The following TRAPPC12 variants were observed in gnomAD, a reference collection of about 807,000 sequenced individuals.
TRAPPC12 encodes TPR repeat protein 15.
Under a neutral mutation model 69.2 loss-of-function variants are expected in TRAPPC12, and 61 were observed. That is an observed-to-expected ratio of 0.88 (90% CI 0.72 to 1.09). TRAPPC12 has a LOEUF of 1.09. TRAPPC12 is among the 50% of genes least tolerant of loss of function. The probability of loss-of-function intolerance (pLI) is 0.00; values close to 1 mark genes in which losing one functional copy is unlikely to be tolerated. For synonymous variants in TRAPPC12, 469 were observed against 438.9 expected (o/e 1.07, Z -0.86); for missense variants, 1,101 against 1,016.4 (o/e 1.08, Z -1.13).
At chr2:3,390,592 G>T (rs1660767019) in intron 2 of TRAPPC12, among the ~76,000 whole-genome samples, 1 of 152,206 alleles carries the variant, frequency 6.6e-6, no homozygotes, top group African/African-American at 2.4e-5. Flanking sequence ...GGGGAGGAAG[G>T]GATGAACAGG....
chr2:3,466,557 G>C (rs1040801230), intron 9 of TRAPPC12, among the ~76,000 whole-genome samples: 1 of 152,232 alleles, frequency 6.6e-6, no homozygotes, highest in Non-Finnish European at 1.5e-5. Flanking sequence ...CTCAGGGCCT[G>C]CACTCTCAGC....
At chr2:3,427,839 G>A (rs1024129320) in intron 5 of TRAPPC12, among the ~76,000 whole-genome samples, 5 of 151,814 alleles carry the variant, frequency 3.3e-5, no homozygotes, top group African/African-American at 9.7e-5. Context: ...GTTGTAGTGA[G>A]CCAAGATCAT....
intron 3 of TRAPPC12, among the ~76,000 whole-genome samples, chr2:3,419,048 C>A (rs1662617551): frequency 6.6e-6 from 1 of 152,178 alleles, no homozygotes; most frequent in Non-Finnish European, 1.5e-5. Flanking sequence ...CCCTGTGCCC[C>A]CCATGCCTGC....
rs1402330949 is a variant in TRAPPC12, at chr2:3,424,546, C to G, written c.1300C>G (p.Leu434Val). 6.2e-7 allele frequency: 1 copy of G among 1,613,668 alleles called. No homozygotes were observed. Among genetic ancestry groups the G allele is most frequent in the Non-Finnish European group, 8.5e-7 (1 of 1,179,924 alleles). Residue 434 changes from leucine to valine, a missense_variant, in exon 5 of 12, where the codon CTA (leucine) becomes GTA (valine). Leu to Val is a conservative substitution (Grantham distance 32, BLOSUM62 1). Coordinates refer to ENST00000324266, the MANE Select transcript of TRAPPC12 (RefSeq NM_016030.6). ...SLQLWFVRLA[L>V]LVKLGLFQNA... ...TTAGCTCTGGTTTGTCAGGCTGGCA[C>G]TACTAGTGAAGTTGGGCCTTTTCCA... is the stretch of plus-strand genomic sequence containing the variant.
rs188344544 is a variant in TRAPPC12 at position 3,401,887 on chromosome 2, G to A, written c.1158G>A (p.Gln386=). The change falls in exon 3 of 12, where the codon CAG becomes CAA. Residue 386 remains glutamine, a synonymous_variant. Coordinates refer to ENST00000324266, the MANE Select transcript of TRAPPC12 (RefSeq NM_016030.6). The stretch of plus-strand genomic sequence containing the variant: ...AACAATCTTTTGTTGGATTGAAACA[G>A]CTAATCGTAAGTGACAATGTGTTTG... ...SVEQSFVGLK[Q]LISCRNWRAA... 39 of 1,577,412 alleles carry A rather than the reference G, an allele frequency of 2.5e-5. No homozygotes were observed. The East Asian group carries it at 6.4e-4, about 26-fold the overall frequency.
chr2:3,384,172 A>G (rs1003103535), intron 1 of TRAPPC12, among the ~76,000 whole-genome samples: 2 of 152,130 alleles, frequency 1.3e-5, no homozygotes, highest in African/African-American at 2.4e-5. Flanking sequence ...CTAGGATTAC[A>G]GGCCTGAACC....
chr2:3,386,726 C>T (rs1334408013), intron 1 of TRAPPC12, among the ~76,000 whole-genome samples: 4 of 151,794 alleles, frequency 2.6e-5, no homozygotes, highest in Non-Finnish European at 4.4e-5. Flanking sequence ...TAGGGGCGGA[C>T]GGCATGGGGA....
In TRAPPC12 at chr2:3,401,878, A is replaced by G; in HGVS notation, c.1149A>G (p.Gly383=). 6.3e-7 allele frequency: 1 copy of G among 1,586,774 alleles called. No homozygotes were observed. The highest frequency in any genetic ancestry group is 8.6e-7 in the Non-Finnish European group (1 of 1,168,250). Reference sequence around the variant, plus strand: ...ACTCAGTGGAACAATCTTTTGTTGGATTGAAACAGCTAATCGTAAGTGACA... The same window carrying G: ...ACTCAGTGGAACAATCTTTTGTTGGGTTGAAACAGCTAATCGTAAGTGACA... The part of the protein sequence containing the change: ...NADSVEQSFV[G]LKQLISCRNW... The change falls in exon 3 of 12, where the codon GGA becomes GGG. Residue 383 remains glycine, a synonymous_variant. Transcript: ENST00000324266.
At chr2:3,464,707 A>G (rs1665712469) in intron 8 of TRAPPC12, among the ~76,000 whole-genome samples, 1 of 152,164 alleles carries the variant, frequency 6.6e-6, no homozygotes, top group Non-Finnish European at 1.5e-5. Flanking sequence ...ACTTGAGACA[A>G]GCTACCACTG....
chr2:3,383,905 TTTTTTTTG>T lies in TRAPPC12; in HGVS notation c.-4-3714_-4-3707del, dbSNP rs1410669331. Among the ~76,000 whole-genome samples the T allele has an allele frequency of 4.9e-3, 407 of 83,260 alleles. 6 individuals carry two copies. The highest frequency in any genetic ancestry group is 0.02 in the African/African-American group (391 of 19,954). 54.6% of individuals were successfully genotyped at this position (83,260 alleles called of 152,430 possible). The stretch of plus-strand genomic sequence containing the variant: ...TTTTTTTTTTTTTTTTTTTTTTTTT[TTTTTTTTG>T]AGATGAAGTTTCGCTGCTGTTGCCC... On this transcript the variant is annotated intron_variant, in intron 1 of 11. Coordinates refer to ENST00000324266, the MANE Select transcript of TRAPPC12 (RefSeq NM_016030.6).
rs746597616 is a variant in TRAPPC12 at position 3,387,059 on chromosome 2, C to CAA, written c.-4-559_-4-558dup. 1.3e-4 allele frequency among the ~76,000 whole-genome samples: 20 copies of CAA among 152,302 alleles called. No individual in the cohort carries two copies. The South Asian group carries it at 1.9e-3, about 14-fold the overall frequency. Reference sequence around the variant, plus strand: ...CCCAAAATGATTGAAAGCAGGGTCTCAAAGAGCTGTTTGTACAGCCACGTT... The same window carrying CAA: ...CCCAAAATGATTGAAAGCAGGGTCTCAAAAAGAGCTGTTTGTACAGCCACGTT... On this transcript the variant is annotated intron_variant, in intron 1 of 11. Transcript: ENST00000324266.
chr2:3,404,873 G>T (rs1026103560), intron 3 of TRAPPC12, among the ~76,000 whole-genome samples: 9 of 151,056 alleles, frequency 6.0e-5, no homozygotes, highest in Non-Finnish European at 1.3e-4. Flanking sequence ...AGGATAGAGT[G>T]GGGGGCGGTT....
intron 9 of TRAPPC12, among the ~76,000 whole-genome samples, chr2:3,474,722 G>A (rs1299934026): frequency 6.6e-6 from 1 of 152,206 alleles, no homozygotes; most frequent in East Asian, 1.9e-4. Context: ...CTTCATATAA[G>A]TTAGAAGCTT....
chr2:3,424,428 T>G, intron 4 of TRAPPC12, 97 bp from the exon 5 acceptor site: 23 of 1,037,258 alleles, frequency 2.2e-5, no homozygotes, highest in Non-Finnish European at 3.1e-5. Flanking sequence ...TTTTAATATA[T>G]GAGAAATTAA....
intron 2 of TRAPPC12, among the ~76,000 whole-genome samples, chr2:3,395,654 C>G (rs1023314238): frequency 6.6e-6 from 1 of 151,356 alleles, no homozygotes; most frequent in Non-Finnish European, 1.5e-5. Flanking sequence ...CCTCCGCCTC[C>G]CAGGTTTAAG....
Position 3,419,248 on chromosome 2 carries a change from A to T in TRAPPC12, c.1165-2633A>T, listed in dbSNP as rs1662632113. ...GGGAGCAGTTATTAGTTGCCCCTGG[A>T]TACAGAATCTGCCTAGATGCATATA... is the stretch of plus-strand genomic sequence containing the variant. On this transcript the variant is annotated intron_variant, in intron 3 of 11. Coordinates refer to ENST00000324266, the MANE Select transcript of TRAPPC12 (RefSeq NM_016030.6). Among the ~76,000 whole-genome samples, 3 of 152,232 alleles carry T rather than the reference A, an allele frequency of 2.0e-5. No homozygotes were observed. The South Asian group carries it at 6.2e-4, about 32-fold the overall frequency.
chr2:3,398,122 T>C (rs6733712), intron 2 of TRAPPC12, among the ~76,000 whole-genome samples: 39,352 of 152,110 alleles, frequency 0.26, 5,310 homozygotes, highest in East Asian at 0.45. Flanking sequence ...TGGTGGACAT[T>C]TGGGCTGTTT....
intron 1 of TRAPPC12, among the ~76,000 whole-genome samples, chr2:3,385,607 CT>C (rs1660452861): frequency 6.6e-6 from 1 of 152,150 alleles, no homozygotes; most frequent in African/African-American, 2.4e-5. Flanking sequence ...TAAAAAGTTT[CT>C]TCACAAAGGC....
At chr2:3,401,072 C>T (rs1172517349) in intron 2 of TRAPPC12, among the ~76,000 whole-genome samples, 1 of 152,182 alleles carries the variant, frequency 6.6e-6, no homozygotes, top group Non-Finnish European at 1.5e-5. Context: ...AGAAACGGTC[C>T]CGTGCAGAGG....
Sources: gnomAD v4.1 joint callset for allele counts (sites outside exome capture counted in the v4.1 genomes callset) on GRCh38, gnomAD v4.1.1 for gene constraint, MANE v1.5 for transcripts, NCBI Gene and HGNC (gene_info 2026-07-23, HGNC 2026-07-21) for gene names.